SPOCK1: variants seen among roughly 807,000 people sequenced by gnomAD.
SPOCK1 encodes the protein testican-1.
Under a neutral mutation model 55.3 loss-of-function variants are expected in SPOCK1, and 23 were observed. That is an observed-to-expected ratio of 0.42 (90% CI 0.30 to 0.59). SPOCK1 has a LOEUF of 0.59. Ranked by LOEUF, SPOCK1 falls within the 20% of genes least tolerant of loss-of-function variation. SPOCK1 has a pLI of 0.22. For missense variants in SPOCK1, 499 were observed against 552.5 expected (o/e 0.90, Z 0.97); for synonymous variants, 226 against 221.0 (o/e 1.02, Z -0.20).
chr5:137,065,554 C>G (rs1375229160), intron 6 of SPOCK1, among the ~76,000 whole-genome samples: 1 of 152,160 alleles, frequency 6.6e-6, no homozygotes, highest in Non-Finnish European at 1.5e-5. Flanking sequence ...TTCATAAAAG[C>G]AAACTGTTGA....
chr5:137,352,414 A>G (rs1294576951), intron 2 of SPOCK1, among the ~76,000 whole-genome samples: 3 of 152,266 alleles, frequency 2.0e-5, no homozygotes, highest in East Asian at 1.9e-4. Flanking sequence ...CAAGGTGGTT[A>G]TAACGCGGTG....
chr5:137,283,351 G>A (rs1423210849), intron 2 of SPOCK1, among the ~76,000 whole-genome samples: 1 of 152,212 alleles, frequency 6.6e-6, no homozygotes, highest in Non-Finnish European at 1.5e-5. Context: ...CTACTAGGGT[G>A]TCTGCCTCCT....
chr5:137,497,223 G>A (rs1214016636), intron 2 of SPOCK1, among the ~76,000 whole-genome samples: 1 of 152,180 alleles, frequency 6.6e-6, no homozygotes, highest in Non-Finnish European at 1.5e-5. Context: ...TGTAAACCAT[G>A]CCCGGGGACA....
intron 9 of SPOCK1, 66 bp from the exon 10 acceptor site, chr5:136,979,535 C>T (rs1254290938): frequency 1.2e-5 from 19 of 1,569,688 alleles, no homozygotes; most frequent in Non-Finnish European, 1.6e-5. Context: ...TAATGCCCGT[C>T]AACACAGGGA....
chr5:137,261,252 A>T (rs1756737079), intron 3 of SPOCK1, among the ~76,000 whole-genome samples: 3 of 152,214 alleles, frequency 2.0e-5, no homozygotes, highest in Admixed American at 2.0e-4. Context: ...TTTTCAGATT[A>T]ATCTAGAGAA....
At chr5:137,032,733 G>A (rs1291947914) in intron 6 of SPOCK1, among the ~76,000 whole-genome samples, 3 of 152,164 alleles carry the variant, frequency 2.0e-5, no homozygotes, top group Non-Finnish European at 4.4e-5. Context: ...TAGCCATCAG[G>A]GTTGCTGTGG....
intron 3 of SPOCK1, among the ~76,000 whole-genome samples, chr5:137,159,441 C>A (rs982340591): frequency 6.6e-6 from 1 of 152,034 alleles, no homozygotes; most frequent in African/African-American, 2.4e-5. Flanking sequence ...TACACTGTAC[C>A]CAATATGTAG....
chr5:137,306,458 G>A (rs144816878), intron 2 of SPOCK1, among the ~76,000 whole-genome samples: 222 of 152,250 alleles, frequency 1.5e-3, no homozygotes, highest in African/African-American at 5.0e-3. Context: ...TATGACAAGC[G>A]GTGAGCAGGG....
chr5:137,110,254 A>G (rs1254731794), intron 5 of SPOCK1, among the ~76,000 whole-genome samples: 1 of 152,202 alleles, frequency 6.6e-6, no homozygotes, highest in Admixed American at 6.5e-5. Flanking sequence ...GAAGGGGCAG[A>G]CTGGAGGCAG....
At chr5:137,143,828 C>T (rs924819932) in intron 3 of SPOCK1, among the ~76,000 whole-genome samples, 21 of 152,128 alleles carry the variant, frequency 1.4e-4, no homozygotes, top group Non-Finnish European at 2.8e-4. Flanking sequence ...TATTAATGTG[C>T]AAGTCTTAAA....
chr5:137,211,822 G>C (rs1053150033), intron 3 of SPOCK1, among the ~76,000 whole-genome samples: 1 of 152,066 alleles, frequency 6.6e-6, no homozygotes, highest in Non-Finnish European at 1.5e-5. Flanking sequence ...TTGGATTGTT[G>C]AACACAATCC....
At chr5:137,140,549 C>T in intron 4 of SPOCK1, 31 bp downstream of exon 4, 1 of 1,580,802 alleles carries the variant, frequency 6.3e-7, no homozygotes, top group Non-Finnish European at 8.6e-7. Context: ...GAATGCCTCC[C>T]AGCCCCCAGC....
chr5:137,425,963 G>GAAAAA (rs33927619), intron 2 of SPOCK1, among the ~76,000 whole-genome samples: 1 of 108,958 alleles, frequency 9.2e-6, no homozygotes, highest in Non-Finnish European at 1.9e-5. Context: ...GTACATTACA[G>GAAAAA]AAAAAAAAAA....
intron 4 of SPOCK1, among the ~76,000 whole-genome samples, chr5:137,123,099 G>A (rs547148119): frequency 6.6e-6 from 1 of 152,292 alleles, no homozygotes; most frequent in Middle Eastern, 3.4e-3. Context: ...AGACATTAGT[G>A]GTGGGTCATT....
intron 2 of SPOCK1, among the ~76,000 whole-genome samples, chr5:137,443,452 TG>T (rs2149832731): frequency 6.6e-6 from 1 of 152,270 alleles, no homozygotes; most frequent in Non-Finnish European, 1.5e-5. Flanking sequence ...CCACTCCCCC[TG>T]AACAGTAGCA....
chr5:137,225,461 C>A (rs1360215550), intron 3 of SPOCK1, among the ~76,000 whole-genome samples: 1 of 152,174 alleles, frequency 6.6e-6, no homozygotes, highest in Non-Finnish European at 1.5e-5. Flanking sequence ...TATTAAAGAA[C>A]TTTCAAGTTT....
chr5:137,414,322 T>G (rs532718973), intron 2 of SPOCK1, among the ~76,000 whole-genome samples: 1 of 152,304 alleles, frequency 6.6e-6, no homozygotes, highest in South Asian at 2.1e-4. Flanking sequence ...TGCCTGTCCT[T>G]TGTCACTAAC....
At chr5:137,225,167 A>T (rs1452339105) in intron 3 of SPOCK1, among the ~76,000 whole-genome samples, 4 of 152,008 alleles carry the variant, frequency 2.6e-5, no homozygotes, top group Non-Finnish European at 5.9e-5. Context: ...AAGCCAGTAT[A>T]CAAGCAGAGA....
chr5:137,037,529 C>G (rs1420810120), intron 6 of SPOCK1, among the ~76,000 whole-genome samples: 1 of 152,054 alleles, frequency 6.6e-6, no homozygotes, highest in Non-Finnish European at 1.5e-5. Flanking sequence ...AAGGTAACAG[C>G]AGCTGCTATA....
Sources: allele counts gnomAD v4.1 joint callset (sites outside exome capture counted in the v4.1 genomes callset), GRCh38; gene constraint gnomAD v4.1.1; transcripts MANE v1.5; gene names NCBI Gene and HGNC (gene_info 2026-07-23, HGNC 2026-07-21).